Variants in INO80D observed in about 807,000 individuals in gnomAD.
INO80D encodes the protein INO80 complex subunit D.
INO80D carries 21 observed loss-of-function variants against 87.6 expected under a neutral mutation model. The ratio of observed to expected loss-of-function variants is 0.24; its 90% CI spans 0.17 to 0.35. The LOEUF (loss-of-function observed/expected upper bound fraction) is 0.35, where lower values mean the gene tolerates loss of function less well. Among genes scored for constraint, INO80D ranks in the 10% least tolerant of loss-of-function variants. INO80D has a pLI of 1.00. For missense variants in INO80D, 982 were observed against 1,280.7 expected, an observed-to-expected ratio of 0.77 and a Z score of 3.56; for synonymous variants, 440 against 491.0, an observed-to-expected ratio of 0.90 and a Z score of 1.37.
intron 1 of INO80D, among the ~76,000 whole-genome samples, chr2:206,077,165 T>C (rs1310866713): frequency 6.6e-6 from 1 of 151,930 alleles, no homozygotes; most frequent in African/African-American, 2.4e-5. Context: ...TAGTCCCAGC[T>C]ACTCAGGAGG....
intron 8 of INO80D, among the ~76,000 whole-genome samples, chr2:206,014,455 G>A (rs780843921): frequency 9.2e-5 from 14 of 152,084 alleles, no homozygotes; most frequent in Non-Finnish European, 1.9e-4. Flanking sequence ...TCTTTCCCCT[G>A]TTGTTCTCGT....
chr2:206,079,044 G>A (rs1392154739), intron 1 of INO80D, among the ~76,000 whole-genome samples: 2 of 152,024 alleles, frequency 1.3e-5, no homozygotes, highest in African/African-American at 2.4e-5. Flanking sequence ...CACAAAAAGT[G>A]TGGGTCAAAC....
chr2:206,023,480 A>G (rs1425189846), intron 6 of INO80D, among the ~76,000 whole-genome samples: 2 of 151,930 alleles, frequency 1.3e-5, no homozygotes, highest in Non-Finnish European at 1.5e-5. Flanking sequence ...TCAGGAGTTC[A>G]TGACCAGCCT....
chr2:206,010,194 C>G (rs900836487), intron 8 of INO80D, among the ~76,000 whole-genome samples: 1 of 151,078 alleles, frequency 6.6e-6, no homozygotes, highest in African/African-American at 2.4e-5. Flanking sequence ...TAGAAAGGCA[C>G]AAAGAGCAGC....
chr2:206,056,052 A>G (rs1406768439), intron 4 of INO80D, 146 bp downstream of exon 4: 1 of 760,186 alleles, frequency 1.3e-6, no homozygotes, highest in Admixed American at 3.2e-5. Context: ...TGGTCTACCT[A>G]AATACAGAAT....
At chr2:206,040,000 A>G (rs1230232211) in intron 5 of INO80D, among the ~76,000 whole-genome samples, 1 of 151,880 alleles carries the variant, frequency 6.6e-6, no homozygotes, top group African/African-American at 2.4e-5. Flanking sequence ...TTCCCACAAA[A>G]AAAAGCCCAG....
chr2:206,070,775 G>T lies in INO80D; in HGVS notation c.-123-7531C>A, dbSNP rs186743471. Among the ~76,000 whole-genome samples, 490 of 152,060 alleles carry T rather than the reference G, an allele frequency of 3.2e-3. 3 individuals are homozygous for T. The highest frequency in any genetic ancestry group is 0.011 in the African/African-American group (466 of 41,476). ...CAATTGGTGTTATACTTAAACAACA[G>T]CTTGTCTGGAAATAAAATTCTTGGG... is the stretch of plus-strand genomic sequence containing the variant. On this transcript the variant is annotated intron_variant, in intron 1 of 10. Coordinates refer to ENST00000403263, the MANE Select transcript of INO80D (RefSeq NM_017759.5).
chr2:206,062,887 T>C lies in INO80D; in HGVS notation c.130A>G (p.Lys44Glu), dbSNP rs1559460241. Residue 44 changes from lysine to glutamate, a missense_variant, in exon 3 of 11, where the codon AAG (lysine) becomes GAG (glutamate). By Grantham distance (56) the Lys-to-Glu change is moderately conservative (BLOSUM62 1). Coordinates refer to ENST00000403263, the MANE Select transcript of INO80D (RefSeq NM_017759.5). This position sits in a 1 kb window ranked among gnomAD's most constrained non-coding sequence, Gnocchi z 4.6. Reference protein sequence around the residue: ...AFCIRHVLEDKTAPFKQCEYV... With the variant: ...AFCIRHVLEDETAPFKQCEYV... ...TCACATTGCTTGAAGGGGGCAGTCT[T>C]GTCCTCCAGAACGTGTCTGATACAG... The C allele has an allele frequency of 3.1e-6, 5 of 1,613,468 alleles. No individual in the cohort carries two copies. In the East Asian group the frequency reaches 1.1e-4, roughly 36 times the overall value.
At chr2:206,018,803 G>C (rs1232582606) in intron 7 of INO80D, among the ~76,000 whole-genome samples, 1 of 152,134 alleles carries the variant, frequency 6.6e-6, no homozygotes, top group Non-Finnish European at 1.5e-5. Context: ...TCAGGAGGCT[G>C]TGATGCAAAG....
In INO80D at chr2:206,056,297, C is replaced by T; in HGVS notation, c.865G>A (p.Ala289Thr). Residue 289 changes from alanine to threonine, a missense_variant, in exon 4 of 11, where the codon GCC becomes ACC. By Grantham distance (58) the Ala-to-Thr change is moderately conservative. Transcript: ENST00000403263. ...RTDRILMKAT[A>T]FSPHFSCISR... Reference sequence around the variant, plus strand: ...ATACATGAGAAGTGTGGAGAGAAGGCTGTGGCTTTCATGAGGATCCGGTCA... The same window carrying T: ...ATACATGAGAAGTGTGGAGAGAAGGTTGTGGCTTTCATGAGGATCCGGTCA... 1 of 1,613,980 alleles carries T rather than the reference C, an allele frequency of 6.2e-7. No homozygotes were observed. The highest frequency in any genetic ancestry group is 8.5e-7 in the Non-Finnish European group (1 of 1,179,882).
intron 5 of INO80D, among the ~76,000 whole-genome samples, chr2:206,042,375 A>G (rs1689072024): frequency 6.6e-6 from 1 of 152,052 alleles, no homozygotes; most frequent in Non-Finnish European, 1.5e-5. Context: ...TAAAAACAAT[A>G]AAGAGAATCA....
intron 1 of INO80D, among the ~76,000 whole-genome samples, chr2:206,066,292 G>C (rs1371539119): frequency 6.6e-6 from 1 of 151,734 alleles, no homozygotes; most frequent in East Asian, 1.9e-4. Flanking sequence ...CAGTATGAAG[G>C]TTCCTCAAAG....
At chr2:206,042,187 A>G (rs1689068026) in intron 5 of INO80D, among the ~76,000 whole-genome samples, 1 of 152,164 alleles carries the variant, frequency 6.6e-6, no homozygotes, top group African/African-American at 2.4e-5. Context: ...TTTGTGGGAC[A>G]CAGCTACAAC....
intron 1 of INO80D, among the ~76,000 whole-genome samples, chr2:206,065,605 C>A (rs1032290130): frequency 2.6e-5 from 4 of 152,038 alleles, no homozygotes; most frequent in African/African-American, 7.2e-5. Flanking sequence ...AGACAACCTA[C>A]GGAATGGGAG....
At chr2:206,011,686 TC>T (rs1688178507) in intron 8 of INO80D, among the ~76,000 whole-genome samples, 1 of 152,184 alleles carries the variant, frequency 6.6e-6, no homozygotes, top group South Asian at 2.1e-4. Context: ...ACATCCTAGT[TC>T]TGAATCTTAA....
intron 5 of INO80D, among the ~76,000 whole-genome samples, chr2:206,034,110 A>G (rs756376198): frequency 3.9e-5 from 6 of 152,158 alleles, no homozygotes; most frequent in Admixed American, 1.3e-4. Flanking sequence ...TAATTTAAAA[A>G]TTACCAACAA....
chr2:206,032,558 A>G (rs1339164029), intron 5 of INO80D, among the ~76,000 whole-genome samples: 1 of 152,220 alleles, frequency 6.6e-6, no homozygotes, highest in Non-Finnish European at 1.5e-5. Context: ...GAATCTTAAG[A>G]GCTGTGAGAC....
At chr2:206,040,274 C>A (rs1250278312) in intron 5 of INO80D, among the ~76,000 whole-genome samples, 6 of 128,682 alleles carry the variant, frequency 4.7e-5, no homozygotes, top group Non-Finnish European at 8.0e-5. Context: ...TGACAGAGTG[C>A]GACTCTGTCT....
chr2:206,059,232 T>C (rs1274762269), intron 3 of INO80D, among the ~76,000 whole-genome samples: 2 of 151,766 alleles, frequency 1.3e-5, no homozygotes, highest in African/African-American at 4.8e-5. Flanking sequence ...AATACAAAAA[T>C]TAGCCGGGTG....
Sources: allele counts gnomAD v4.1 joint callset (sites outside exome capture counted in the v4.1 genomes callset), GRCh38; gene constraint gnomAD v4.1.1; non-coding constraint Gnocchi (gnomAD v3.1); transcripts MANE v1.5; gene names NCBI Gene and HGNC (gene_info 2026-07-23, HGNC 2026-07-21).